The following RANBP17 variants were observed in gnomAD, a reference collection of about 807,000 sequenced individuals.
RANBP17 encodes RAN binding protein 17, also known as ran-binding protein 17.
In RANBP17, 158 loss-of-function variants were observed where a neutral mutation model predicts 141.2. The observed-to-expected ratio is 1.12, with a 90% CI of 0.98 to 1.28. The LOEUF (loss-of-function observed/expected upper bound fraction) is 1.28, where lower values mean the gene tolerates loss of function less well. Ranked by LOEUF, RANBP17 falls within the 50% of genes most tolerant of loss-of-function variation. RANBP17 has a pLI of 0.00. For synonymous variants in RANBP17, 430 were observed against 450.0 expected (o/e 0.96, Z 0.56); for missense variants, 1,438 against 1,290.7 (o/e 1.11, Z -1.75).
chr5:170,984,966 C>T (rs746889808), intron 14 of RANBP17, among the ~76,000 whole-genome samples: 21 of 151,812 alleles, frequency 1.4e-4, no homozygotes, highest in Non-Finnish European at 2.8e-4. Context: ...TTTTAAAATA[C>T]AGACACACAC....
intron 2 of RANBP17, 96 bp from the exon 3 acceptor site, chr5:170,881,709 CG>C: frequency 1.2e-6 from 1 of 834,178 alleles, no homozygotes; most frequent in Non-Finnish European, 1.8e-6. Context: ...TTTGGAAAAC[CG>C]GAAGAATTTC....
intron 4 of RANBP17, 28 bp downstream of exon 4, chr5:170,892,581 A>G (rs1561861625): frequency 5.0e-6 from 8 of 1,588,988 alleles, no homozygotes; most frequent in Non-Finnish European, 6.9e-6. Flanking sequence ...CATGGTTAGA[A>G]CATCACTACT....
chr5:170,999,797 G>A (rs1398195848), intron 14 of RANBP17, among the ~76,000 whole-genome samples: 1 of 152,100 alleles, frequency 6.6e-6, no homozygotes, highest in Non-Finnish European at 1.5e-5. Flanking sequence ...GCAGTTCAGT[G>A]ATATTAAATA....
intron 22 of RANBP17, among the ~76,000 whole-genome samples, chr5:171,235,447 G>C (rs2127992267): frequency 6.6e-6 from 1 of 151,660 alleles, no homozygotes; most frequent in South Asian, 2.1e-4. Context: ...TTGGTGCCTT[G>C]TCTTTAAGCA....
At chr5:171,295,059 TATTA>T (rs1300593085) in intron 26 of RANBP17, among the ~76,000 whole-genome samples, 2 of 152,228 alleles carry the variant, frequency 1.3e-5, no homozygotes, top group African/African-American at 4.8e-5. Flanking sequence ...TCTGACTACA[TATTA>T]ATTATGTGTG....
chr5:170,886,344 G>T (rs189441553), intron 3 of RANBP17, among the ~76,000 whole-genome samples: 3 of 152,206 alleles, frequency 2.0e-5, no homozygotes, highest in East Asian at 1.9e-4. Flanking sequence ...CCAGAAAAAG[G>T]TTCTCTTCTA....
Position 171,223,492 on chromosome 5 carries a change from A to G in RANBP17, c.2422+1652A>G, listed in dbSNP as rs571571723. 3.3e-3 allele frequency among the ~76,000 whole-genome samples: 498 copies of G among 152,176 alleles called. 2 individuals are homozygous for G. The highest frequency in any genetic ancestry group is 0.011 in the African/African-American group (471 of 41,516). On this transcript the variant is annotated intron_variant, in intron 22 of 27. Transcript: ENST00000523189. Reference sequence around the variant, plus strand: ...CTACCAAAAATACAAAAAATTAGCCAGGCGTGGTGGCGGGCACCTGTAATC... The same window carrying G: ...CTACCAAAAATACAAAAAATTAGCCGGGCGTGGTGGCGGGCACCTGTAATC...
intron 12 of RANBP17, among the ~76,000 whole-genome samples, chr5:170,945,415 A>G (rs578133499): frequency 1.3e-5 from 2 of 152,294 alleles, no homozygotes; most frequent in East Asian, 3.9e-4. Flanking sequence ...ACACTAGCCA[A>G]CATTTACTGA....
chr5:171,274,164 G>A (rs895563726), intron 25 of RANBP17, among the ~76,000 whole-genome samples: 14 of 140,852 alleles, frequency 9.9e-5, no homozygotes, highest in African/African-American at 1.7e-4. Context: ...GCGCGCGCGC[G>A]TGCGCAAAAT....
intron 5 of RANBP17, among the ~76,000 whole-genome samples, 169 bp from the exon 6 acceptor site, chr5:170,909,491 GT>G (rs1771345113): frequency 1.3e-5 from 2 of 149,786 alleles, no homozygotes; most frequent in African/African-American, 4.9e-5. Context: ...ATGAACTTTG[GT>G]TTTTAGTATT....
At chr5:171,241,194 A>G (rs773686733) in intron 23 of RANBP17, 52 bp downstream of exon 23, 14 of 1,332,310 alleles carry the variant, frequency 1.1e-5, no homozygotes, top group Non-Finnish European at 1.5e-5. Context: ...AAGTAACACC[A>G]CCACAGGCCT....
At chr5:171,004,233 C>A (rs181629678) in intron 14 of RANBP17, among the ~76,000 whole-genome samples, 1 of 151,500 alleles carries the variant, frequency 6.6e-6, no homozygotes, top group Non-Finnish European at 1.5e-5. Flanking sequence ...CCCATACTTG[C>A]GGGTTAAGGT....
chr5:171,124,957 C>T (rs1367641621), intron 14 of RANBP17, among the ~76,000 whole-genome samples: 1 of 152,164 alleles, frequency 6.6e-6, no homozygotes, highest in African/African-American at 2.4e-5. Context: ...CAACTATATG[C>T]TGCCTACAAG....
At chr5:171,059,546 A>G (rs1783662792) in intron 14 of RANBP17, among the ~76,000 whole-genome samples, 1 of 151,794 alleles carries the variant, frequency 6.6e-6, no homozygotes, top group Non-Finnish European at 1.5e-5. Context: ...TACCAGTACC[A>G]TGCTGTTTTG....
chr5:171,026,304 G>A (rs1362803333), intron 14 of RANBP17, among the ~76,000 whole-genome samples: 2 of 152,134 alleles, frequency 1.3e-5, no homozygotes, highest in African/African-American at 4.8e-5. Flanking sequence ...TTTATGTGGG[G>A]AAACAGGCTC....
intron 22 of RANBP17, among the ~76,000 whole-genome samples, chr5:171,223,796 C>CT (rs1763717421): frequency 6.6e-6 from 1 of 151,786 alleles, no homozygotes; most frequent in Non-Finnish European, 1.5e-5. Context: ...GTGTCTGGAC[C>CT]TTTTTTCAAA....
At chr5:170,994,113 C>A (rs1476789805) in intron 14 of RANBP17, among the ~76,000 whole-genome samples, 1 of 151,944 alleles carries the variant, frequency 6.6e-6, no homozygotes, top group Non-Finnish European at 1.5e-5. Context: ...CTAGACCAGG[C>A]ACTTTCTTTT....
intron 14 of RANBP17, among the ~76,000 whole-genome samples, chr5:171,116,132 TC>T (rs1246586700): frequency 6.6e-6 from 1 of 152,228 alleles, no homozygotes; most frequent in African/African-American, 2.4e-5. Flanking sequence ...TGGTATTACT[TC>T]CTGTTAGAGG....
intron 13 of RANBP17, 83 bp from the exon 14 acceptor site, chr5:170,968,159 T>C: frequency 3.1e-6 from 3 of 980,826 alleles, no homozygotes; most frequent in Non-Finnish European, 4.4e-6. Context: ...TTATATGTTA[T>C]ATTACATTTA....
Sources: gnomAD v4.1 joint callset for allele counts (sites outside exome capture counted in the v4.1 genomes callset) on GRCh38, gnomAD v4.1.1 for gene constraint, MANE v1.5 for transcripts, NCBI Gene and HGNC (gene_info 2026-07-23, HGNC 2026-07-21) for gene names.